Variants in EMP2 observed in about 807,000 individuals in gnomAD.
The protein encoded by EMP2 is epithelial membrane protein 2.
Under a neutral mutation model 13.7 loss-of-function variants are expected in EMP2, and 19 were observed. That is an observed-to-expected ratio of 1.38 (90% CI 0.97 to 2.03). The LOEUF (loss-of-function observed/expected upper bound fraction) is 2.03, where lower values mean the gene tolerates loss of function less well. Ranked by LOEUF, EMP2 falls within the 30% of genes most tolerant of loss-of-function variation. The probability of loss-of-function intolerance (pLI) is 0.00; values close to 1 mark genes in which losing one functional copy is unlikely to be tolerated. For missense variants in EMP2, 253 were observed against 220.7 expected, an observed-to-expected ratio of 1.15 and a Z score of -0.93; for synonymous variants, 97 against 84.7, an observed-to-expected ratio of 1.15 and a Z score of -0.80.
At chr16:10,539,541 G>A (rs2050678011) in intron 3 of EMP2, among the ~76,000 whole-genome samples, 1 of 152,148 alleles carries the variant, frequency 6.6e-6, no homozygotes, top group African/African-American at 2.4e-5. Context: ...TGCCCTCGGG[G>A]CAGAAAGCGG....
At chr16:10,542,252 G>C (rs2050705689) in intron 3 of EMP2, among the ~76,000 whole-genome samples, 1 of 152,072 alleles carries the variant, frequency 6.6e-6, no homozygotes, top group African/African-American at 2.4e-5. Flanking sequence ...ACGAAAATTA[G>C]CTGGGCATGG....
intron 4 of EMP2, among the ~76,000 whole-genome samples, chr16:10,536,787 AT>A (rs992893650): frequency 2.0e-4 from 31 of 151,916 alleles, no homozygotes; most frequent in African/African-American, 7.5e-4. Context: ...TGCTTGGCTA[AT>A]TTTTTTTCTT....
Position 10,537,915 on chromosome 16 carries a change from T to C in EMP2, c.316+13A>G, listed in dbSNP as rs765940223. On this transcript the variant is annotated intron_variant, in intron 4 of 4. Transcript: ENST00000359543. ...GAAAGCCCCTTGTTAGGGAAGCCCGTTGATGTACTTACATGACATTAGCTG... is the reference window on the plus strand; with the variant it reads ...GAAAGCCCCTTGTTAGGGAAGCCCGCTGATGTACTTACATGACATTAGCTG... 5 of 1,612,270 alleles carry C rather than the reference T, an allele frequency of 3.1e-6. No homozygotes were observed. In the East Asian group the frequency reaches 6.7e-5, roughly 22 times the overall value.
In EMP2 at chr16:10,579,708, G is replaced by GCACACACACACACA. The variant is rs71133370; in HGVS notation, c.-61+827_-61+840dup. On this transcript the variant is annotated intron_variant, in intron 1 of 4. Transcript: ENST00000359543. ...CACAGCTGAATTATAAGATCAAGGT[G>GCACACACACACACA]CACACACACACACACACACACACAC... is the stretch of plus-strand genomic sequence containing the variant. Among the ~76,000 whole-genome samples the GCACACACACACACA allele has an allele frequency of 3.9e-3, 566 of 146,766 alleles. 5 individuals carry two copies. The highest frequency in any genetic ancestry group is 0.01 in the Middle Eastern group (3 of 288).
rs2050583487 is a variant in EMP2, at chr16:10,529,845, C to G, written c.*3060G>C. On this transcript the variant is annotated 3_prime_UTR_variant, in exon 5 of 5. Coordinates refer to ENST00000359543, the MANE Select transcript of EMP2 (RefSeq NM_001424.6). ...ACTCGGGAGGCTGAGGCAGGAGAAT[C>G]ACTTGAACCCAGGAGGCAGAGGTTG... is the stretch of plus-strand genomic sequence containing the variant. 1 of 149,026 alleles carries G rather than the reference C, an allele frequency of 6.7e-6. No homozygotes were observed. The highest frequency in any genetic ancestry group is 1.5e-5 in the Non-Finnish European group (1 of 67,746). 9.2% of individuals were successfully genotyped at this position (149,026 alleles called of 1,614,324 possible).
At chr16:10,539,250 T>C (rs551820567) in intron 3 of EMP2, among the ~76,000 whole-genome samples, 1,935 of 127,260 alleles carry the variant, frequency 0.015, 40 homozygotes, top group African/African-American at 0.045. Context: ...TTCTTTTTCT[T>C]TCTGTCTTTT....
chr16:10,533,159 C>A, intron 4 of EMP2, 67 bp from the exon 5 acceptor site: 1 of 1,289,616 alleles, frequency 7.8e-7, no homozygotes, highest in Non-Finnish European at 1.0e-6. Context: ...AGCCCAGGGG[C>A]ATACGGCCAG....
At chr16:10,548,709 A>C (rs1453885516) in intron 1 of EMP2, among the ~76,000 whole-genome samples, 1 of 151,484 alleles carries the variant, frequency 6.6e-6, no homozygotes, top group Non-Finnish European at 1.5e-5. Context: ...AATAAAAATA[A>C]AAATAAAATA....
rs1381801643 is a variant in EMP2 at position 10,530,035 on chromosome 16, G to A, written c.*2870C>T. The A allele has an allele frequency of 1.3e-5, 2 of 152,184 alleles. No homozygotes were observed. The highest frequency in any genetic ancestry group is 4.8e-5 in the African/African-American group (2 of 41,440). The allele number at this position is 152,184 out of a possible 1,614,324, so 9.4% of individuals were successfully genotyped here. On this transcript the variant is annotated 3_prime_UTR_variant, in exon 5 of 5. Transcript: ENST00000359543. ...AGATTCAACTTCCTCCATGAGCTTG[G>A]GTAGCATCCTGTTAACCCTAGGGGT...
rs879234637 is a variant in EMP2, at chr16:10,533,147, G to A, written c.317-55C>T. 8.4e-5 allele frequency: 119 copies of A among 1,415,102 alleles called. 3 individuals carry two copies. In the South Asian group the frequency reaches 1.9e-3, roughly 23 times the overall value. The allele number at this position is 1,415,102 out of a possible 1,614,324, so 87.7% of individuals were successfully genotyped here. On this transcript the variant is annotated intron_variant, in intron 4 of 4. Transcript: ENST00000359543. ...AATCATGGACCACAGTGCACCCTGG[G>A]TAGCCCAGGGGCATACGGCCAGAGT...
intron 1 of EMP2, among the ~76,000 whole-genome samples, chr16:10,555,596 C>CT (rs5815586): frequency 0.45 from 67,823 of 149,624 alleles, 15,517 homozygotes; most frequent in African/African-American, 0.49. Context: ...CTTTTTTTTT[C>CT]TTTTTTTTTG....
intron 4 of EMP2, among the ~76,000 whole-genome samples, chr16:10,535,704 C>A (rs1278386147): frequency 6.6e-6 from 1 of 152,146 alleles, no homozygotes; most frequent in Non-Finnish European, 1.5e-5. Flanking sequence ...AGTAACCACC[C>A]AAGTCCCCCC....
chr16:10,569,364 G>A (rs561632314), intron 1 of EMP2, among the ~76,000 whole-genome samples: 10 of 152,136 alleles, frequency 6.6e-5, no homozygotes, highest in African/African-American at 2.4e-4. Context: ...ACAGGGTCTC[G>A]CTCTGCTGCC....
At chr16:10,537,506 G>A (rs1179527051) in intron 4 of EMP2, among the ~76,000 whole-genome samples, 1 of 152,144 alleles carries the variant, frequency 6.6e-6, no homozygotes, top group South Asian at 2.1e-4. Context: ...TGCCCTGCTG[G>A]TTCACTTCCC....
chr16:10,578,826 C>T (rs1407449572), intron 1 of EMP2, among the ~76,000 whole-genome samples: 2 of 152,248 alleles, frequency 1.3e-5, no homozygotes, highest in African/African-American at 4.8e-5. Flanking sequence ...ACAGGTTCTG[C>T]ACCTTCCTGC....
At chr16:10,562,519 C>T (rs1044910696) in intron 1 of EMP2, among the ~76,000 whole-genome samples, 2 of 152,114 alleles carry the variant, frequency 1.3e-5, no homozygotes, top group Admixed American at 6.6e-5. Context: ...ACCAGCCAGC[C>T]CCCAGCTGAC....
At chr16:10,570,902 T>C (rs543078799) in intron 1 of EMP2, among the ~76,000 whole-genome samples, 3 of 151,636 alleles carry the variant, frequency 2.0e-5, no homozygotes, top group African/African-American at 7.3e-5. Context: ...AGGAAGGCAA[T>C]GTGGAAGAAG....
chr16:10,539,252 CTGTCT>C (rs1174045293), intron 3 of EMP2, among the ~76,000 whole-genome samples: 2 of 125,634 alleles, frequency 1.6e-5, no homozygotes, highest in Non-Finnish European at 1.9e-5. Context: ...CTTTTTCTTT[CTGTCT>C]TTTTTTTCCT....
chr16:10,550,024 T>C (rs2050773712), intron 1 of EMP2, among the ~76,000 whole-genome samples: 1 of 151,782 alleles, frequency 6.6e-6, no homozygotes, highest in African/African-American at 2.4e-5. Flanking sequence ...TAGCTGGGAC[T>C]ACAGGCACGT....
Sources: allele counts gnomAD v4.1 joint callset (sites outside exome capture counted in the v4.1 genomes callset), GRCh38; gene constraint gnomAD v4.1.1; transcripts MANE v1.5; gene names NCBI Gene and HGNC (gene_info 2026-07-23, HGNC 2026-07-21).